The following ADAMTSL1 variants were observed in gnomAD, a reference collection of about 807,000 sequenced individuals.
ADAMTSL1 encodes the protein ADAMTS like 1.
In ADAMTSL1, 126 loss-of-function variants were observed where a neutral mutation model predicts 201.8. That is an observed-to-expected ratio of 0.62 (90% CI 0.54 to 0.72). The LOEUF (loss-of-function observed/expected upper bound fraction) is 0.72. Ranked by LOEUF, ADAMTSL1 falls within the 30% of genes least tolerant of loss-of-function variation. The pLI, the probability that ADAMTSL1 is intolerant of heterozygous loss-of-function variation, is 0.00. For synonymous variants in ADAMTSL1, 1,121 were observed against 903.4 expected, an observed-to-expected ratio of 1.24 and a Z score of -4.32; for missense variants, 2,679 against 2,277.8, an observed-to-expected ratio of 1.18 and a Z score of -3.59.
chr9:18,620,800 A>T (rs1017124596), intron 4 of ADAMTSL1, among the ~76,000 whole-genome samples: 2 of 152,128 alleles, frequency 1.3e-5, no homozygotes, highest in Non-Finnish European at 2.9e-5. Flanking sequence ...ACATCTTTGC[A>T]TTTAAAAAAA....
chr9:18,883,376 C>A (rs1465464545), intron 23 of ADAMTSL1, among the ~76,000 whole-genome samples: 1 of 152,198 alleles, frequency 6.6e-6, no homozygotes, highest in Non-Finnish European at 1.5e-5. Flanking sequence ...CTCCCAAGAT[C>A]TCTTGTGGTC....
intron 1 of ADAMTSL1, among the ~76,000 whole-genome samples, chr9:18,129,646 T>C (rs914208608): frequency 2.0e-5 from 3 of 152,186 alleles, no homozygotes; most frequent in Non-Finnish European, 2.9e-5. Flanking sequence ...GTTAATCTTA[T>C]TTAAAATGAA....
At chr9:18,229,112 A>G (rs1327106947) in intron 2 of ADAMTSL1, among the ~76,000 whole-genome samples, 1 of 152,184 alleles carries the variant, frequency 6.6e-6, no homozygotes, top group Non-Finnish European at 1.5e-5. Context: ...TATGCAAAAA[A>G]GAAAGTATTT....
At chr9:18,757,296 A>ATCC (rs1339097782) in intron 16 of ADAMTSL1, among the ~76,000 whole-genome samples, 2 of 151,934 alleles carry the variant, frequency 1.3e-5, no homozygotes, top group Non-Finnish European at 2.9e-5. Flanking sequence ...TACACTCATC[A>ATCC]TCATCCTCCT....
intron 23 of ADAMTSL1, among the ~76,000 whole-genome samples, chr9:18,862,132 G>C (rs147617373): frequency 4.6e-5 from 7 of 152,306 alleles, no homozygotes; most frequent in African/African-American, 1.4e-4. Flanking sequence ...TACGTGCTAG[G>C]AATATTAGCC....
chr9:18,153,208 A>G (rs1826996566), intron 1 of ADAMTSL1, among the ~76,000 whole-genome samples: 1 of 151,992 alleles, frequency 6.6e-6, no homozygotes, highest in South Asian at 2.1e-4. Context: ...GAGACAACCC[A>G]AACAGGGGAT....
chr9:18,021,558 G>C (rs187668371), intron 1 of ADAMTSL1, among the ~76,000 whole-genome samples: 1 of 152,028 alleles, frequency 6.6e-6, no homozygotes, highest in Admixed American at 6.6e-5. Context: ...CGATTGTGTC[G>C]TGGTTCCATG....
At chr9:18,658,161 G>A (rs1205136938) in intron 8 of ADAMTSL1, among the ~76,000 whole-genome samples, 3 of 152,018 alleles carry the variant, frequency 2.0e-5, no homozygotes, top group Non-Finnish European at 4.4e-5. Flanking sequence ...TTTTTAGTAC[G>A]GACGGGGTTT....
chr9:18,703,701 C>CATATATATATATATATATATAT (rs72258520), intron 13 of ADAMTSL1, among the ~76,000 whole-genome samples: 1,125 of 78,424 alleles, frequency 0.014, 120 homozygotes, highest in South Asian at 0.02. Flanking sequence ...TGCGCACATA[C>CATATATATATATATATATATAT]ATATATATAT....
intron 2 of ADAMTSL1, among the ~76,000 whole-genome samples, chr9:18,387,737 A>G (rs1014303456): frequency 6.6e-6 from 1 of 152,092 alleles, no homozygotes; most frequent in Non-Finnish European, 1.5e-5. Context: ...AAGACAGATT[A>G]CCAGGCCATT....
intron 21 of ADAMTSL1, among the ~76,000 whole-genome samples, chr9:18,819,979 T>C (rs1824110614): frequency 6.6e-6 from 1 of 152,218 alleles, no homozygotes; most frequent in South Asian, 2.1e-4. Context: ...TAAGGCTCTT[T>C]CCTTACTCTT....
intron 23 of ADAMTSL1, among the ~76,000 whole-genome samples, chr9:18,856,566 C>T (rs1160857065): frequency 1.4e-5 from 2 of 145,862 alleles, no homozygotes; most frequent in East Asian, 4.1e-4. Flanking sequence ...CAGGTTCAAG[C>T]GATTCTTGTG....
chr9:18,250,345 T>C (rs1428279313), intron 2 of ADAMTSL1, among the ~76,000 whole-genome samples: 1 of 152,158 alleles, frequency 6.6e-6, no homozygotes, highest in Non-Finnish European at 1.5e-5. Context: ...AGGGACAGGA[T>C]TGAATGCCTG....
chr9:18,057,070 G>T (rs1015404586), intron 1 of ADAMTSL1, among the ~76,000 whole-genome samples: 4 of 152,238 alleles, frequency 2.6e-5, no homozygotes, highest in Non-Finnish European at 4.4e-5. Flanking sequence ...TAGGCTTTAC[G>T]TTGTCCTGGT....
chr9:18,528,226 G>A (rs1819217207), intron 2 of ADAMTSL1, among the ~76,000 whole-genome samples: 1 of 152,036 alleles, frequency 6.6e-6, no homozygotes, highest in Non-Finnish European at 1.5e-5. Flanking sequence ...GGGTTCATGT[G>A]CAGGATATGC....
rs183364700 is a variant in ADAMTSL1, at chr9:18,455,485, T to C, written c.208-49344T>C. Among the ~76,000 whole-genome samples, 33 of 152,310 alleles carry C rather than the reference T, an allele frequency of 2.2e-4. No individual in the cohort carries two copies. The East Asian group carries it at 4.6e-3, about 21-fold the overall frequency. On this transcript the variant is annotated intron_variant, in intron 2 of 29. Coordinates refer to the ADAMTSL1 transcript ENST00000680146. The stretch of plus-strand genomic sequence containing the variant: ...ATATTCATAAATGCATTTTGCACTT[T>C]AATATAATTTTTTAAACCTAACGTT...
At chr9:18,041,562 G>T (rs747410656) in intron 1 of ADAMTSL1, among the ~76,000 whole-genome samples, 2 of 152,052 alleles carry the variant, frequency 1.3e-5, no homozygotes, top group Non-Finnish European at 2.9e-5. Flanking sequence ...CCATAATATG[G>T]TTACATAGGC....
chr9:17,908,297 G>T (rs141770725), intron 1 of ADAMTSL1, among the ~76,000 whole-genome samples: 168 of 152,266 alleles, frequency 1.1e-3, no homozygotes, highest in African/African-American at 3.7e-3. Context: ...ACCTAGGGGA[G>T]CTCTAGAAAT....
intron 3 of ADAMTSL1, among the ~76,000 whole-genome samples, chr9:18,566,823 A>G (rs369501130): frequency 7.9e-5 from 12 of 152,278 alleles, no homozygotes; most frequent in East Asian, 5.8e-4. Context: ...CCAGGAGAGC[A>G]AGGGCAGAAG....
Sources: allele counts gnomAD v4.1 joint callset (sites outside exome capture counted in the v4.1 genomes callset), GRCh38; gene constraint gnomAD v4.1.1; transcripts MANE v1.5; gene names NCBI Gene and HGNC (gene_info 2026-07-23, HGNC 2026-07-21).